Variants in PAN3 observed in about 807,000 individuals in gnomAD.
PAN3 encodes poly(A) specific ribonuclease subunit PAN3.
Under a neutral mutation model 96.2 loss-of-function variants are expected in PAN3, and 19 were observed. The ratio of observed to expected loss-of-function variants is 0.20; its 90% CI spans 0.14 to 0.29. PAN3 has a LOEUF of 0.29. PAN3 is among the 10% of genes least tolerant of loss of function. The pLI, the probability that PAN3 is intolerant of heterozygous loss-of-function variation, is 1.00. For missense variants in PAN3, 882 were observed against 1,108.1 expected (o/e 0.80, Z 2.90); for synonymous variants, 433 against 406.6 (o/e 1.06, Z -0.78).
intron 14 of PAN3, among the ~76,000 whole-genome samples, chr13:28,274,306 G>A (rs917368482): frequency 2.2e-4 from 33 of 151,972 alleles, no homozygotes; most frequent in African/African-American, 6.0e-4. Context: ...AGTTGGCTCC[G>A]ATTAATTTTT....
chr13:28,195,531 A>ATTGT (rs1043405356), intron 4 of PAN3, among the ~76,000 whole-genome samples: 2 of 151,312 alleles, frequency 1.3e-5, no homozygotes, highest in East Asian at 3.9e-4. Flanking sequence ...GTTGTTTTTT[A>ATTGT]TTGTTTGTTT....
intron 4 of PAN3, among the ~76,000 whole-genome samples, chr13:28,190,779 A>G (rs1004187804): frequency 6.6e-6 from 1 of 152,032 alleles, no homozygotes; most frequent in African/African-American, 2.4e-5. Context: ...GCACGGGGGA[A>G]ACCACTCCCA....
At chr13:28,270,068 A>G (rs45503392) in intron 12 of PAN3, among the ~76,000 whole-genome samples, 1,752 of 152,324 alleles carry the variant, frequency 0.012, 34 homozygotes, top group African/African-American at 0.039. Context: ...TCTACAAAGA[A>G]AAGAATATAA....
Position 28,256,380 on chromosome 13 carries a change from T to A in PAN3, c.1089T>A (p.Thr363=), listed in dbSNP as rs1209598457. The A allele has an allele frequency of 6.2e-7, 1 of 1,613,902 alleles. No homozygotes were observed. Among genetic ancestry groups the A allele is most frequent in the Admixed American group, 1.7e-5 (1 of 59,998 alleles). The part of the protein sequence containing the change: ...TSPAPRRRSH[T]PNPASYMVPS... Reference sequence around the variant, plus strand: ...CTGCTCCCAGAAGAAGAAGTCACACTCCAAATCCAGCAAGTTACATGGTGC... The same window carrying A: ...CTGCTCCCAGAAGAAGAAGTCACACACCAAATCCAGCAAGTTACATGGTGC... The change falls in exon 7 of 19, where the codon ACT becomes ACA. Residue 363 remains threonine (T), a synonymous_variant. Coordinates refer to ENST00000380958, the MANE Select transcript of PAN3 (RefSeq NM_175854.8).
Position 28,265,727 on chromosome 13 carries a change from T to G in PAN3, c.1412-988T>G, listed in dbSNP as rs1886105005. 1.5e-4 allele frequency among the ~76,000 whole-genome samples: 2 copies of G among 13,374 alleles called. 1 individual carries two copies. The highest frequency in any genetic ancestry group is 2.2e-4 in the Non-Finnish European group (2 of 8,954). 8.8% of individuals were successfully genotyped at this position (13,374 alleles called of 152,430 possible). A position where few individuals can be genotyped will look rare whatever the true frequency, so the allele number is the denominator to read the frequency against. On this transcript the variant is annotated intron_variant, in intron 9 of 18. Coordinates refer to ENST00000380958, the MANE Select transcript of PAN3 (RefSeq NM_175854.8). Reference sequence around the variant, plus strand: ...TTGTTTTTGTTTATAGGGTTTTTTTTTTTTTTTTTTTTTTTTTGAGACGGA... The same window carrying G: ...TTGTTTTTGTTTATAGGGTTTTTTTGTTTTTTTTTTTTTTTTTGAGACGGA...
chr13:28,273,161 C>T (rs1886773399), intron 14 of PAN3, among the ~76,000 whole-genome samples: 1 of 151,136 alleles, frequency 6.6e-6, no homozygotes, highest in African/African-American at 2.4e-5. Context: ...ACTTCTTATA[C>T]TTTATTAGTA....
chr13:28,206,355 ACT>A (rs1256248405), intron 5 of PAN3, among the ~76,000 whole-genome samples: 2 of 121,034 alleles, frequency 1.7e-5, no homozygotes, highest in Non-Finnish European at 3.2e-5. Flanking sequence ...AGAGTTTCGC[ACT>A]GATTCACCCA....
chr13:28,156,661 C>A (rs1272275130), intron 1 of PAN3, among the ~76,000 whole-genome samples: 1 of 152,066 alleles, frequency 6.6e-6, no homozygotes, highest in Admixed American at 6.6e-5. Flanking sequence ...AAATCTTCAA[C>A]AAAATACTAG....
chr13:28,239,291 T>C (rs1308676420), intron 6 of PAN3, among the ~76,000 whole-genome samples: 3 of 152,040 alleles, frequency 2.0e-5, no homozygotes, highest in South Asian at 2.1e-4. Flanking sequence ...TATAATACTT[T>C]CCATTTATGT....
At chr13:28,205,295 A>G (rs1593469255) in intron 5 of PAN3, among the ~76,000 whole-genome samples, 1 of 152,244 alleles carries the variant, frequency 6.6e-6, no homozygotes, top group East Asian at 1.9e-4. Context: ...GACTTTGAAG[A>G]GTTATAGAAC....
intron 6 of PAN3, among the ~76,000 whole-genome samples, chr13:28,247,712 C>G (rs1337784791): frequency 6.6e-6 from 1 of 152,102 alleles, no homozygotes; most frequent in Admixed American, 6.5e-5. Context: ...TTCTTGGCAC[C>G]GTTATGGAAA....
chr13:28,185,388 G>A (rs964781172), intron 4 of PAN3, among the ~76,000 whole-genome samples: 14 of 152,186 alleles, frequency 9.2e-5, no homozygotes, highest in Non-Finnish European at 1.9e-4. Flanking sequence ...ATTGGGTTGA[G>A]ATAAAGATGT....
At chr13:28,178,975 T>C (rs1875412250) in intron 4 of PAN3, among the ~76,000 whole-genome samples, 1 of 151,808 alleles carries the variant, frequency 6.6e-6, no homozygotes. Flanking sequence ...CTAGATTTTC[T>C]TAAGAGAAAA....
intron 17 of PAN3, among the ~76,000 whole-genome samples, chr13:28,285,072 C>T (rs1346621152): frequency 6.6e-6 from 1 of 152,088 alleles, no homozygotes; most frequent in African/African-American, 2.4e-5. Context: ...TGAGTGTATT[C>T]TTAGGTATTT....
At chr13:28,221,384 AC>A (rs1268223491) in intron 6 of PAN3, among the ~76,000 whole-genome samples, 1 of 152,014 alleles carries the variant, frequency 6.6e-6, no homozygotes, top group Non-Finnish European at 1.5e-5. Context: ...ATATATACAC[AC>A]ACTAAAACAA....
In PAN3 at chr13:28,292,604, T is replaced by C; in HGVS notation, c.*82T>C. On this transcript the variant is annotated 3_prime_UTR_variant, in exon 19 of 19. Coordinates refer to ENST00000380958, the MANE Select transcript of PAN3 (RefSeq NM_175854.8). ...CACTACAGCTGAACTTTTCATCATC[T>C]CATTCACATTTGGGAAACGAACAGG... 7.3e-7 allele frequency: 1 copy of C among 1,372,486 alleles called. No homozygotes were observed. Among genetic ancestry groups the C allele is most frequent in the Non-Finnish European group, 9.7e-7 (1 of 1,028,770 alleles). The allele number at this position is 1,372,486 out of a possible 1,614,324, so 85.0% of individuals were successfully genotyped here.
chr13:28,283,909 T>C (rs1189236668), intron 17 of PAN3, among the ~76,000 whole-genome samples: 3 of 152,234 alleles, frequency 2.0e-5, no homozygotes, highest in Admixed American at 1.3e-4. Context: ...TGGTAGTAGT[T>C]TATCCTATGG....
rs190652780 is a variant in PAN3, at chr13:28,179,004, T to C, written c.690+1069T>C. On this transcript the variant is annotated intron_variant, in intron 4 of 18. Transcript: ENST00000380958. ...GAGAAAAAAAAGTTATGAAGACTGA[T>C]ATAAATTATGTTAAAACCTCATGTA... Among the ~76,000 whole-genome samples, 695 of 152,316 alleles carry C rather than the reference T, an allele frequency of 4.6e-3. 3 individuals are homozygous for C. The highest frequency in any genetic ancestry group is 7.7e-3 in the Non-Finnish European group (525 of 68,014).
intron 6 of PAN3, among the ~76,000 whole-genome samples, chr13:28,231,417 A>G (rs1448605818): frequency 6.6e-6 from 1 of 152,208 alleles, no homozygotes; most frequent in African/African-American, 2.4e-5. Context: ...AATTCATCAT[A>G]TAAATTGACA....
Sources: allele counts gnomAD v4.1 joint callset (sites outside exome capture counted in the v4.1 genomes callset), GRCh38; gene constraint gnomAD v4.1.1; transcripts MANE v1.5; gene names NCBI Gene and HGNC (gene_info 2026-07-23, HGNC 2026-07-21).